Variants in ATRX observed in about 807,000 individuals in gnomAD.
ATRX encodes the protein chromatin remodeler ATRX.
A neutral mutation model predicts 172.6 loss-of-function variants in ATRX; 12 were observed. The observed-to-expected ratio is 0.07, with a 90% CI of 0.04 to 0.11. The LOEUF is 0.11. Ranked by LOEUF, ATRX falls within the 10% of genes least tolerant of loss-of-function variation. The pLI is 1.00. For synonymous variants in ATRX, 674 were observed against 594.7 expected (o/e 1.13, Z -1.94); for missense variants, 1,368 against 1,767.4 (o/e 0.77, Z 4.05).
intron 30 of ATRX, among the ~76,000 whole-genome samples, chrX:77,545,431 A>G (rs1557052890): frequency 8.9e-6 from 1 of 111,987 alleles, no homozygotes; most frequent in Non-Finnish European, 1.9e-5. Flanking sequence ...TATCTAAAAC[A>G]TAGTTACTGA....
At chrX:77,751,657 T>G (rs1289500988) in intron 1 of ATRX, among the ~76,000 whole-genome samples, 6 of 112,268 alleles carry the variant, frequency 5.3e-5, no homozygotes, top group Non-Finnish European at 1.1e-4. Flanking sequence ...AGGTTTTACA[T>G]TTAAGTCTTT....
chrX:77,719,963 C>A (rs1376676143), intron 1 of ATRX, among the ~76,000 whole-genome samples: 3 of 111,677 alleles, frequency 2.7e-5, no homozygotes, highest in African/African-American at 9.8e-5. Flanking sequence ...TGAAAAAGAA[C>A]GGAAATCATA....
intron 30 of ATRX, among the ~76,000 whole-genome samples, chrX:77,543,954 TTAAATA>T (rs1330319280): frequency 6.2e-5 from 3 of 48,230 alleles, no homozygotes; most frequent in Non-Finnish European, 8.8e-5. Context: ...ACTTAGAATA[TTAAATA>T]TATATATATA....
At chrX:77,653,708 C>T (rs2069398618) in intron 14 of ATRX, among the ~76,000 whole-genome samples, 1 of 111,646 alleles carries the variant, frequency 9.0e-6, no homozygotes, top group African/African-American at 3.2e-5. Context: ...AAACATATTA[C>T]AGACACCTTT....
Position 77,665,926 on chromosome X carries a change from T to A in ATRX, c.3810-1148A>T, listed in dbSNP as rs45475292. ...TTGTTATTTCTGGATTTGAAACCCCTCTTTACACTTCTTAGCACGCACCCA... is the reference window on the plus strand; with the variant it reads ...TTGTTATTTCTGGATTTGAAACCCCACTTTACACTTCTTAGCACGCACCCA... On this transcript the variant is annotated intron_variant, in intron 10 of 34. Coordinates refer to ENST00000373344, the MANE Select transcript of ATRX (RefSeq NM_000489.6). Among the ~76,000 whole-genome samples the A allele has an allele frequency of 5.4e-5, 6 of 111,845 alleles. No individual in the cohort carries two copies. The Admixed American group carries it at 5.7e-4, about 11-fold the overall frequency.
intron 30 of ATRX, among the ~76,000 whole-genome samples, chrX:77,532,047 A>G (rs782364725): frequency 1.8e-5 from 2 of 111,619 alleles, no homozygotes; most frequent in East Asian, 5.6e-4. Context: ...TACAGAGAGA[A>G]TAAAATACCT....
At chrX:77,756,294 G>A (rs1235860695) in intron 1 of ATRX, among the ~76,000 whole-genome samples, 5 of 110,895 alleles carry the variant, frequency 4.5e-5, no homozygotes, top group Non-Finnish European at 9.4e-5. Flanking sequence ...CTGTGGGAGT[G>A]GGACCCGCTA....
chrX:77,692,249 A>T (rs1005893042), intron 6 of ATRX, among the ~76,000 whole-genome samples: 1 of 111,370 alleles, frequency 9.0e-6, no homozygotes, highest in Admixed American at 9.6e-5. Flanking sequence ...CTTACTACTG[A>T]TCTTTACCAT....
chrX:77,620,310 T>C (rs2148267517), intron 20 of ATRX, 85 bp downstream of exon 20: 7 of 1,037,157 alleles, frequency 6.7e-6, no homozygotes, highest in African/African-American at 1.8e-5. Context: ...CTAGAATAAG[T>C]AGAAGAAAGG....
At chrX:77,713,646 T>C (rs2073222063) in intron 2 of ATRX, among the ~76,000 whole-genome samples, 1 of 111,746 alleles carries the variant, frequency 8.9e-6, no homozygotes, top group African/African-American at 3.3e-5. Flanking sequence ...TGTAAGTATA[T>C]ACTGATACAA....
At chrX:77,775,715 CTTTA>C (rs112567888) in intron 1 of ATRX, among the ~76,000 whole-genome samples, 153 of 100,324 alleles carry the variant, frequency 1.5e-3, no homozygotes, top group South Asian at 0.011. Context: ...AACAATAATT[CTTTA>C]TTTATTTATT....
At chrX:77,765,461 G>C (rs1458574613) in intron 1 of ATRX, among the ~76,000 whole-genome samples, 3 of 111,346 alleles carry the variant, frequency 2.7e-5, no homozygotes, top group Non-Finnish European at 5.6e-5. Context: ...TCTCGAACAA[G>C]AGTTTTAACA....
At chrX:77,611,659 C>T (rs1191090360) in intron 22 of ATRX, among the ~76,000 whole-genome samples, 3 of 110,589 alleles carry the variant, frequency 2.7e-5, no homozygotes, top group African/African-American at 6.6e-5. Flanking sequence ...AAGTTCAAGA[C>T]GAGCCTGGGC....
At chrX:77,635,436 A>G (rs45549437) in intron 16 of ATRX, among the ~76,000 whole-genome samples, 433 of 112,017 alleles carry the variant, frequency 3.9e-3, no homozygotes, top group African/African-American at 0.014. Flanking sequence ...ATTCGATAGT[A>G]AACACTGAGC....
At position 77,682,105 on chromosome X, in the gene ATRX, C is replaced by G. The variant is rs2148580619; in HGVS notation, c.3151G>C (p.Asp1051His). The part of the protein sequence containing the change: ...DGEKKSKKIR[D>H]KTSKKKDELS... Reference sequence around the variant, plus strand: ...TCATCCTTCTTTTTAGAAGTTTTATCTCTTATTTTTTTACTTTTCTTTTCT... The same window carrying G: ...TCATCCTTCTTTTTAGAAGTTTTATGTCTTATTTTTTTACTTTTCTTTTCT... Residue 1051 changes from aspartate to histidine, a missense_variant, in exon 9 of 35, where the codon GAT (aspartate) becomes CAT (histidine). This residue lies in a region of ATRX where 843 missense variants were observed against 643.1 expected (regional missense o/e 1.31). Coordinates refer to ENST00000373344, the MANE Select transcript of ATRX (RefSeq NM_000489.6). 1 of 1,209,738 alleles carries G rather than the reference C, an allele frequency of 8.3e-7. No individual in the cohort carries two copies. Among genetic ancestry groups the G allele is most frequent in the Non-Finnish European group, 1.1e-6 (1 of 893,974 alleles).
In ATRX at chrX:77,504,885, C is replaced by A. The variant is rs782518195; in HGVS notation, c.*3466G>T. 1.1e-4 allele frequency: 15 copies of A among 142,477 alleles called. No individual in the cohort carries two copies. The South Asian group carries it at 5.5e-3, about 52-fold the overall frequency. The allele number at this position is 142,477 out of a possible 1,213,427, so 11.7% of individuals were successfully genotyped here. ...TTGAGCTTTGACACAGTATATATTTCGGATTTAAAACTTTATTCACCCCAT... is the reference window on the plus strand; with the variant it reads ...TTGAGCTTTGACACAGTATATATTTAGGATTTAAAACTTTATTCACCCCAT... On this transcript the variant is annotated 3_prime_UTR_variant, in exon 35 of 35. Transcript: ENST00000373344.
At chrX:77,509,402 G>A (rs1432740983) in intron 34 of ATRX, among the ~76,000 whole-genome samples, 2 of 111,803 alleles carry the variant, frequency 1.8e-5, no homozygotes, top group Non-Finnish European at 3.8e-5. Flanking sequence ...TCCACTGATC[G>A]TCCTCCCCGA....
intron 28 of ATRX, among the ~76,000 whole-genome samples, chrX:77,562,079 T>C (rs782806798): frequency 8.9e-6 from 1 of 112,312 alleles, no homozygotes; most frequent in Admixed American, 9.4e-5. Context: ...TCTATCATTA[T>C]ACTTCTGTCA....
At chrX:77,657,631 T>G (rs2069621932) in intron 12 of ATRX, among the ~76,000 whole-genome samples, 1 of 111,313 alleles carries the variant, frequency 9.0e-6, no homozygotes, top group African/African-American at 3.3e-5. Flanking sequence ...AATAAATAAA[T>G]AGGGGAAAAC....
Sources: gnomAD v4.1 joint callset for allele counts (sites outside exome capture counted in the v4.1 genomes callset) on GRCh38, gnomAD v4.1.1 for gene constraint, gnomAD v4.1.1 regional missense constraint, MANE v1.5 for transcripts, NCBI Gene and HGNC (gene_info 2026-07-23, HGNC 2026-07-21) for gene names.